Variants in SASH1 observed in about 807,000 individuals in gnomAD.
SASH1 encodes SAM and SH3 domain-containing protein 1.
A neutral mutation model predicts 125.2 loss-of-function variants in SASH1; 44 were observed. The observed-to-expected ratio is 0.35, with a 90% CI of 0.28 to 0.45. The LOEUF (loss-of-function observed/expected upper bound fraction) is 0.45, where lower values mean the gene tolerates loss of function less well. Among genes scored for constraint, SASH1 ranks in the 20% least tolerant of loss-of-function variants. The probability of loss-of-function intolerance (pLI) is 1.00; values close to 1 mark genes in which losing one functional copy is unlikely to be tolerated. For synonymous variants in SASH1, 639 were observed against 649.1 expected (o/e 0.98, Z 0.24); for missense variants, 1,426 against 1,614.5 (o/e 0.88, Z 2.00).
the SASH1 span, among the ~76,000 whole-genome samples, chr6:148,249,844 G>A: frequency 2.6e-5 from 4 of 152,018 alleles, no homozygotes; most frequent in Non-Finnish European, 2.9e-5. Context: ...CCTGTGCACC[G>A]CGGATTCTCA....
At chr6:148,248,173 T>TA in the SASH1 span, among the ~76,000 whole-genome samples, 3 of 152,194 alleles carry the variant, frequency 2.0e-5, no homozygotes, top group Non-Finnish European at 4.4e-5. Flanking sequence ...GTGAAAGCTT[T>TA]ATCTCTTAAG....
chr6:148,430,457 A>G (rs1357998366), intron 2 of SASH1, among the ~76,000 whole-genome samples: 3 of 152,120 alleles, frequency 2.0e-5, no homozygotes, highest in African/African-American at 7.2e-5. Context: ...TTGGCCTCCC[A>G]AGTAGCTGGG....
At chr6:148,432,156 G>C (rs143769943) in intron 2 of SASH1, among the ~76,000 whole-genome samples, 1,962 of 152,118 alleles carry the variant, frequency 0.013, 32 homozygotes, top group East Asian at 0.073. Context: ...TGTGTTTTTC[G>C]TAGAGATGGG....
chr6:148,434,836 A>G (rs1033610507), intron 2 of SASH1, among the ~76,000 whole-genome samples: 2 of 152,190 alleles, frequency 1.3e-5, no homozygotes, highest in East Asian at 3.8e-4. Context: ...CATTCTGAGG[A>G]GTAATTTCTC....
At chr6:148,359,919 T>C (rs1172304384) in intron 1 of SASH1, among the ~76,000 whole-genome samples, 10 of 152,066 alleles carry the variant, frequency 6.6e-5, no homozygotes, top group Non-Finnish European at 1.3e-4. Context: ...CCACCATGCC[T>C]GGCTAATTTT....
intron 1 of SASH1, among the ~76,000 whole-genome samples, chr6:148,300,364 A>G (rs955703888): frequency 6.6e-6 from 1 of 151,860 alleles, no homozygotes; most frequent in Admixed American, 6.6e-5. Context: ...AGGTGGTCCA[A>G]TCTTTTAAGG....
At chr6:148,356,523 G>GTTTTTTTTT (rs1562346767) in intron 1 of SASH1, among the ~76,000 whole-genome samples, 14 of 134,956 alleles carry the variant, frequency 1.0e-4, no homozygotes, top group Admixed American at 2.3e-4. Flanking sequence ...TTGAGACTGG[G>GTTTTTTTTT]TTTTGCTCTT....
At position 148,548,416 on chromosome 6, in the gene SASH1, C is replaced by T. The variant is rs771478123; in HGVS notation, c.3602C>T (p.Ala1201Val). Residue 1201 changes from alanine to valine, a missense_variant, in exon 20 of 20, where the codon GCG becomes GTG. By Grantham distance (64) the Ala-to-Val change is moderately conservative. Coordinates refer to ENST00000367467, the MANE Select transcript of SASH1 (RefSeq NM_015278.5). ...ATGTACGCCGGCACCCTCTCCACCG[C>T]GGGCTTCAGCACACTGAGCCAAGTG... ...LPMYAGTLST[A>V]GFSTLSQVPS... 1.1e-5 allele frequency: 17 copies of T among 1,614,114 alleles called. No homozygotes were observed. The highest frequency in any genetic ancestry group is 3.3e-5 in the South Asian group (3 of 91,084).
chr6:148,206,070 C>T, the SASH1 span, among the ~76,000 whole-genome samples: 1 of 152,098 alleles, frequency 6.6e-6, no homozygotes, highest in Non-Finnish European at 1.5e-5. Flanking sequence ...TTACAAATGT[C>T]AGCATAAAGA....
chr6:148,475,706 A>G (rs192942178), intron 7 of SASH1, among the ~76,000 whole-genome samples: 2 of 152,298 alleles, frequency 1.3e-5, no homozygotes, highest in East Asian at 1.9e-4. Context: ...TGGCACACAT[A>G]TACTCAGTTT....
intron 2 of SASH1, among the ~76,000 whole-genome samples, chr6:148,415,657 CAAACTTCAAGAATTTAAAGATTGA>C (rs1470716281): frequency 6.6e-6 from 1 of 152,106 alleles, no homozygotes; most frequent in Non-Finnish European, 1.5e-5. Context: ...CCTGCCCTTG[CAAACTTCAAGAATTTAAAGATTGA>C]TAGCAATCAC....
intron 1 of SASH1, among the ~76,000 whole-genome samples, chr6:148,281,435 C>G (rs996867151): frequency 2.0e-5 from 3 of 152,130 alleles, no homozygotes; most frequent in African/African-American, 7.2e-5. Context: ...GGAGGATATG[C>G]TCCACTAAAA....
intron 7 of SASH1, among the ~76,000 whole-genome samples, chr6:148,486,463 A>G (rs1778846545): frequency 6.6e-6 from 1 of 152,274 alleles, no homozygotes; most frequent in Middle Eastern, 3.4e-3. Context: ...TTCAAAAACT[A>G]GAAACCTTGT....
At chr6:148,194,970 C>T in the SASH1 span, among the ~76,000 whole-genome samples, 1 of 152,202 alleles carries the variant, frequency 6.6e-6, no homozygotes, top group African/African-American at 2.4e-5. Context: ...TATATCTGAG[C>T]TGGTAAGCCA....
At chr6:148,462,037 T>C (rs1392377946) in intron 4 of SASH1, among the ~76,000 whole-genome samples, 3 of 150,544 alleles carry the variant, frequency 2.0e-5, no homozygotes, top group African/African-American at 7.3e-5. Context: ...AGGCTTTTTT[T>C]TTTAAATGGT....
intron 1 of SASH1, among the ~76,000 whole-genome samples, chr6:148,336,763 G>A (rs949359843): frequency 2.6e-5 from 4 of 152,276 alleles, no homozygotes; most frequent in South Asian, 2.1e-4. Context: ...GATTGGTTGA[G>A]CTTAAGTTCT....
intron 1 of SASH1, among the ~76,000 whole-genome samples, chr6:148,330,576 T>G (rs12529104): frequency 0.081 from 12,363 of 152,150 alleles, 721 homozygotes; most frequent in East Asian, 0.32. Flanking sequence ...ACACATTCCT[T>G]TTTATTTTTA....
intron 2 of SASH1, among the ~76,000 whole-genome samples, chr6:148,413,470 G>T (rs977111927): frequency 6.6e-6 from 1 of 152,110 alleles, no homozygotes. Flanking sequence ...AGAAAGGGGA[G>T]GAGGAAGGAG....
At chr6:148,501,800 G>C (rs527847605) in intron 8 of SASH1, among the ~76,000 whole-genome samples, 2 of 152,094 alleles carry the variant, frequency 1.3e-5, no homozygotes, top group Non-Finnish European at 2.9e-5. Flanking sequence ...AATTGGGGTG[G>C]GAGGATTCAC....
Sources: allele counts gnomAD v4.1 joint callset (sites outside exome capture counted in the v4.1 genomes callset), GRCh38; gene constraint gnomAD v4.1.1; transcripts MANE v1.5; gene names NCBI Gene and HGNC (gene_info 2026-07-23, HGNC 2026-07-21).